Variants in SRRM1 observed in about 807,000 individuals in gnomAD.
SRRM1 encodes serine/arginine repetitive matrix protein 1.
In SRRM1, 19 loss-of-function variants were observed where a neutral mutation model predicts 110.2. That is an observed-to-expected ratio of 0.17 (90% CI 0.12 to 0.25). The LOEUF is 0.25. Among genes scored for constraint, SRRM1 ranks in the 10% least tolerant of loss-of-function variants. The pLI is 1.00. For missense variants in SRRM1, 918 were observed against 1,145.8 expected (o/e 0.80, Z 2.87); for synonymous variants, 443 against 414.9 (o/e 1.07, Z -0.82).
intron 1 of SRRM1, among the ~76,000 whole-genome samples, 190 bp from the exon 2 acceptor site, chr1:24,645,794 A>C (rs922974225): frequency 2.0e-5 from 3 of 152,226 alleles, no homozygotes; most frequent in African/African-American, 7.2e-5. Flanking sequence ...TATACTTGAT[A>C]ATTTAAAAAT....
chr1:24,665,602 A>T (rs1191819088), intron 12 of SRRM1, among the ~76,000 whole-genome samples: 1 of 152,008 alleles, frequency 6.6e-6, no homozygotes, highest in Non-Finnish European at 1.5e-5. Context: ...AGTCCCAGCT[A>T]CTTGGGAGGC....
chr1:24,666,667 A>AC, intron 12 of SRRM1, 148 bp from the exon 13 acceptor site: 1 of 590,418 alleles, frequency 1.7e-6, no homozygotes, highest in Non-Finnish European at 3.0e-6. Context: ...CAGGAGGCTG[A>AC]GGGGGGAGAA....
At chr1:24,649,651 G>T (rs975217595) in intron 4 of SRRM1, among the ~76,000 whole-genome samples, 1 of 152,198 alleles carries the variant, frequency 6.6e-6, no homozygotes, top group South Asian at 2.1e-4. Context: ...CTCCCAGAAA[G>T]AATAAGGTCA....
chr1:24,654,937 C>G lies in SRRM1; in HGVS notation c.1123C>G (p.Pro375Ala). Residue 375 changes from proline to alanine, a missense_variant, in exon 9 of 17, where the codon CCC becomes GCC. Transcript: ENST00000323848. ...TTCACGGTCACCACCAAAGAAGCCTCCCAAGAGGACATCCAGCCCCCCTCG... is the reference window on the plus strand; with the variant it reads ...TTCACGGTCACCACCAAAGAAGCCTGCCAAGAGGACATCCAGCCCCCCTCG... ...SRSRSPPKKPPKRTSSPPRKT... is the reference protein window; with the variant it reads ...SRSRSPPKKPAKRTSSPPRKT... 1 of 1,614,198 alleles carries G rather than the reference C, an allele frequency of 6.2e-7. No individual in the cohort carries two copies. Among genetic ancestry groups the G allele is most frequent in the Non-Finnish European group, 8.5e-7 (1 of 1,180,042 alleles).
Position 24,646,046 on chromosome 1 carries a change from G to A in SRRM1, c.84G>A (p.Leu28=), listed in dbSNP as rs1570653711. The change falls in exon 2 of 17, where the codon CTG becomes CTA. Residue 28 remains leucine, a synonymous_variant. Transcript: ENST00000323848. The part of the protein sequence containing the change: ...SNKQKKLLKQ[L]KFAECLEKKV... ...AACAGAAGAAACTACTGAAGCAGCT[G>A]AAATTTGCAGAATGCCTAGAAAAAA... is the stretch of plus-strand genomic sequence containing the variant. The A allele has an allele frequency of 6.2e-7, 1 of 1,613,302 alleles. No homozygotes were observed.
intron 13 of SRRM1, 56 bp from the exon 14 acceptor site, chr1:24,669,067 A>G (rs1671458789): frequency 6.8e-7 from 1 of 1,473,294 alleles, no homozygotes; most frequent in Non-Finnish European, 9.3e-7. Context: ...ATTACTTTTC[A>G]TCCTGTTTCT....
intron 1 of SRRM1, 178 bp downstream of exon 1, chr1:24,643,525 C>T (rs1039556403): frequency 4.3e-5 from 22 of 513,668 alleles, no homozygotes; most frequent in Non-Finnish European, 6.3e-5. Flanking sequence ...CGGTGCGCCC[C>T]TGCGCAGTCT....
At position 24,643,737 on chromosome 1, in the gene SRRM1, C is replaced by T. The variant is rs539889951; in HGVS notation, c.21+390C>T. On this transcript the variant is annotated intron_variant, in intron 1 of 16. Coordinates refer to ENST00000323848, the MANE Select transcript of SRRM1 (RefSeq NM_005839.4). ...AGGCCAAAGGAAAGCCCTAAGGTCA[C>T]TGGTGGCGGCAGGGCAGGGAGAATA... 3.3e-5 allele frequency: 8 copies of T among 244,558 alleles called. No individual in the cohort carries two copies. The South Asian group carries it at 7.5e-4, about 23-fold the overall frequency. 15.1% of individuals were successfully genotyped at this position (244,558 alleles called of 1,614,324 possible).
In SRRM1 at chr1:24,670,327, C is replaced by T. The variant is rs535623526; in HGVS notation, c.2400+12C>T. 6.3e-7 allele frequency: 1 copy of T among 1,588,242 alleles called. No individual in the cohort carries two copies. The highest frequency in any genetic ancestry group is 1.1e-5 in the South Asian group (1 of 88,002). On this transcript the variant is annotated intron_variant, in intron 15 of 16. Transcript: ENST00000323848. Reference sequence around the variant, plus strand: ...CATCACCGCCAAGAGTATGTGTCTGCCTTATTTTGGACACCCTTTTATAAA... The same window carrying T: ...CATCACCGCCAAGAGTATGTGTCTGTCTTATTTTGGACACCCTTTTATAAA...
intron 9 of SRRM1, among the ~76,000 whole-genome samples, chr1:24,656,453 A>G (rs1664150304): frequency 6.6e-6 from 1 of 152,210 alleles, no homozygotes; most frequent in Non-Finnish European, 1.5e-5. Flanking sequence ...GAAGCCTGTA[A>G]CTGTTCCAGG....
In SRRM1 at chr1:24,671,530, G is replaced by A. The variant is rs1484365329; in HGVS notation, c.2545G>A (p.Ala849Thr). 2 of 1,609,286 alleles carry A rather than the reference G, an allele frequency of 1.2e-6. No homozygotes were observed. The highest frequency in any genetic ancestry group is 1.7e-6 in the Non-Finnish European group (2 of 1,178,814). The change falls in exon 16 of 17, where the codon GCC (alanine) becomes ACC (threonine). Residue 849 changes from alanine (A) to threonine (T), a missense_variant. Around this residue, in one of 5 missense-constraint regions of SRRM1, gnomAD observed 62 missense variants for 127.6 expected, o/e 0.49. Coordinates refer to ENST00000323848, the MANE Select transcript of SRRM1 (RefSeq NM_005839.4). ...AAAAAAVTPA[A>T]IAAATTTLAQ... ...TGCTGCAGCTGCTGTGACCCCTGCA[G>A]CCATTGCAGCTGCCACAACCACATT...
At chr1:24,664,408 G>A (rs957642172) in intron 12 of SRRM1, among the ~76,000 whole-genome samples, 8 of 152,188 alleles carry the variant, frequency 5.3e-5, no homozygotes, top group Non-Finnish European at 1.0e-4. Flanking sequence ...AGAAGATAGC[G>A]GCCCTGATGG....
intron 9 of SRRM1, among the ~76,000 whole-genome samples, chr1:24,658,091 A>G (rs1040134234): frequency 2.0e-5 from 3 of 152,236 alleles, no homozygotes; most frequent in African/African-American, 4.8e-5. Flanking sequence ...TAAATGGTGT[A>G]AAGTCTCATC....
chr1:24,669,652 C>T, intron 14 of SRRM1, 65 bp downstream of exon 14: 7 of 1,215,588 alleles, frequency 5.8e-6, no homozygotes, highest in Non-Finnish European at 8.0e-6. Flanking sequence ...GGAAGCTTCC[C>T]CCCACCCCCA....
In SRRM1 at chr1:24,646,702, G is replaced by A. The variant is rs1221092255; in HGVS notation, c.147G>A (p.Lys49=). 1.0e-5 allele frequency: 16 copies of A among 1,607,184 alleles called. No homozygotes were observed. Among genetic ancestry groups the A allele is most frequent in the Non-Finnish European group, 1.4e-5 (16 of 1,177,566 alleles). The part of the protein sequence containing the change: ...DMSKVNLEVI[K]PWITKRVTEI... ...GCAAAGTAAATTTGGAGGTTATAAA[G>A]CCTTGGATAACAAAAAGAGTAACGG... Residue 49 remains lysine, a synonymous_variant, in exon 3 of 17, where the codon AAG becomes AAA. Transcript: ENST00000323848.
intron 13 of SRRM1, 22 bp from the exon 14 acceptor site, chr1:24,669,101 T>C: frequency 6.3e-7 from 1 of 1,593,242 alleles, no homozygotes; most frequent in Non-Finnish European, 8.6e-7. Flanking sequence ...CCTTTCAGCT[T>C]AATTATGTAT....
Position 24,672,735 on chromosome 1 carries a change from C to T in SRRM1, c.*449C>T, listed in dbSNP as rs548657320. ...TGACCTTGTATGGTCTGTAAGCTTGCCCAGAAATAAGACCACTGTTTTGAA... is the reference window on the plus strand; with the variant it reads ...TGACCTTGTATGGTCTGTAAGCTTGTCCAGAAATAAGACCACTGTTTTGAA... On this transcript the variant is annotated 3_prime_UTR_variant, in exon 17 of 17. Transcript: ENST00000323848. 6 of 152,704 alleles carry T rather than the reference C, an allele frequency of 3.9e-5. No individual in the cohort carries two copies. In the East Asian group the frequency reaches 1.2e-3, roughly 29 times the overall value. 9.5% of individuals were successfully genotyped at this position (152,704 alleles called of 1,614,324 possible).
chr1:24,651,771 T>C (rs1340114856), intron 6 of SRRM1, among the ~76,000 whole-genome samples, 159 bp downstream of exon 6: 1 of 151,970 alleles, frequency 6.6e-6, no homozygotes, highest in Non-Finnish European at 1.5e-5. Context: ...GAGAGTATAT[T>C]AGAAGAAAAT....
At position 24,669,109 on chromosome 1, in the gene SRRM1, T is replaced by C; in HGVS notation, c.1740-14T>C. Reference sequence around the variant, plus strand: ...TGTTGAGCCTTTCAGCTTAATTATGTATCTTTTTCCTAGGACTCCTTCTCC... The same window carrying C: ...TGTTGAGCCTTTCAGCTTAATTATGCATCTTTTTCCTAGGACTCCTTCTCC... On this transcript the variant is annotated splice_polypyrimidine_tract_variant and intron_variant, in intron 13 of 16. Coordinates refer to ENST00000323848, the MANE Select transcript of SRRM1 (RefSeq NM_005839.4). The C allele has an allele frequency of 6.3e-7, 1 of 1,598,152 alleles. No homozygotes were observed. The highest frequency in any genetic ancestry group is 8.5e-7 in the Non-Finnish European group (1 of 1,169,802).
Sources: gnomAD v4.1 joint callset for allele counts (sites outside exome capture counted in the v4.1 genomes callset) on GRCh38, gnomAD v4.1.1 for gene constraint, gnomAD v4.1.1 regional missense constraint, MANE v1.5 for transcripts, NCBI Gene and HGNC (gene_info 2026-07-23, HGNC 2026-07-21) for gene names.